SSH1: variants seen among roughly 807,000 people sequenced by gnomAD.
SSH1 encodes protein phosphatase Slingshot homolog 1.
Under a neutral mutation model 79.7 loss-of-function variants are expected in SSH1, and 43 were observed. The ratio of observed to expected loss-of-function variants is 0.54; its 90% CI spans 0.42 to 0.70. The LOEUF is 0.70. SSH1 is among the 30% of genes least tolerant of loss of function. SSH1 has a pLI of 0.00. For synonymous variants in SSH1, 599 were observed against 538.3 expected, an observed-to-expected ratio of 1.11 and a Z score of -1.56; for missense variants, 1,206 against 1,358.8, an observed-to-expected ratio of 0.89 and a Z score of 1.77.
rs375544840 is a variant in SSH1 at position 108,803,735 on chromosome 12, T to C, written c.954+1321A>G. 2.6e-5 allele frequency among the ~76,000 whole-genome samples: 4 copies of C among 152,302 alleles called. No individual in the cohort carries two copies. The South Asian group carries it at 8.3e-4, about 32-fold the overall frequency. On this transcript the variant is annotated intron_variant, in intron 10 of 14. Coordinates refer to ENST00000326495, the MANE Select transcript of SSH1 (RefSeq NM_018984.4). ...AAGAAGGAAGGTGCCTTCTGTTCCC[T>C]TCTCACCAGGGAAATCAACAGACTT...
intron 2 of SSH1, among the ~76,000 whole-genome samples, chr12:108,829,102 T>A (rs145880132): frequency 6.6e-6 from 1 of 151,796 alleles, no homozygotes; most frequent in Non-Finnish European, 1.5e-5. Context: ...CTGAGATGGG[T>A]GGATCATTTG....
At chr12:108,796,826 T>G (rs1424842457) in intron 13 of SSH1, among the ~76,000 whole-genome samples, 1 of 151,768 alleles carries the variant, frequency 6.6e-6, no homozygotes, top group Non-Finnish European at 1.5e-5. Context: ...CACTGTAACC[T>G]CCACCTCCCG....
At chr12:108,813,992 G>A (rs895497396) in intron 5 of SSH1, among the ~76,000 whole-genome samples, 3 of 152,174 alleles carry the variant, frequency 2.0e-5, no homozygotes, top group East Asian at 1.9e-4. Flanking sequence ...GGGAGGCCGA[G>A]GAGGGTGGAT....
At chr12:108,808,276 C>T (rs2037390197) in intron 7 of SSH1, among the ~76,000 whole-genome samples, 1 of 152,198 alleles carries the variant, frequency 6.6e-6, no homozygotes, top group South Asian at 2.1e-4. Context: ...CTTGGAGTCA[C>T]ACTTACACAT....
At chr12:108,793,216 A>G (rs997777441) in intron 13 of SSH1, among the ~76,000 whole-genome samples, 1 of 152,198 alleles carries the variant, frequency 6.6e-6, no homozygotes. Context: ...CCTATATTGT[A>G]GGGAAATGAA....
intron 5 of SSH1, among the ~76,000 whole-genome samples, chr12:108,814,011 G>A (rs1442271643): frequency 6.6e-6 from 1 of 152,082 alleles, no homozygotes; most frequent in African/African-American, 2.4e-5. Flanking sequence ...ATCACTTGAG[G>A]TCAGTAGTTC....
intron 2 of SSH1, chr12:108,833,700 C>G (rs2038529297): frequency 6.6e-6 from 1 of 152,270 alleles, no homozygotes; most frequent in African/African-American, 2.4e-5. Flanking sequence ...TCTACCCACT[C>G]TCTGTCTAGT....
intron 5 of SSH1, among the ~76,000 whole-genome samples, chr12:108,813,766 GGGGAA>G (rs1162576512): frequency 2.8e-5 from 4 of 141,496 alleles, no homozygotes; most frequent in Non-Finnish European, 3.1e-5. Flanking sequence ...GGGGAGGGGA[GGGGAA>G]GGGAAGGGAA....
rs1250743967 is a variant in SSH1 at position 108,807,044 on chromosome 12, A to G, written c.731+589T>C. Among the ~76,000 whole-genome samples, 3 of 152,198 alleles carry G rather than the reference A, an allele frequency of 2.0e-5. No individual in the cohort carries two copies. The highest frequency in any genetic ancestry group is 4.8e-5 in the African/African-American group (2 of 41,454). On this transcript the variant is annotated intron_variant, in intron 8 of 14. Coordinates refer to ENST00000326495, the MANE Select transcript of SSH1 (RefSeq NM_018984.4). The surrounding 1 kb of genome is among the most constrained non-coding windows in gnomAD (Gnocchi z 5.2). ...TCCTGGAGGAACACCACACTGTGGG[A>G]GCAGGGTCCTGACCCCGAGGGGAGG...
At position 108,823,295 on chromosome 12, in the gene SSH1, T is replaced by A. The variant is rs140582047; in HGVS notation, c.177A>T (p.Gln59His). 141 of 1,590,370 alleles carry A rather than the reference T, an allele frequency of 8.9e-5. No individual in the cohort carries two copies. The East Asian group carries it at 3.1e-3, about 35-fold the overall frequency. Residue 59 changes from glutamine (Q) to histidine (H), a missense_variant, in exon 3 of 15, where the codon CAA becomes CAT. Gln to His is a conservative substitution (Grantham distance 24, BLOSUM62 0). This residue lies in a region of SSH1 where 100 missense variants were observed against 82.3 expected (regional missense o/e 1.21). Coordinates refer to ENST00000326495, the MANE Select transcript of SSH1 (RefSeq NM_018984.4). The part of the protein sequence containing the change: ...ALFLQQGSSP[Q>H]GQRSLQHPHK... The stretch of plus-strand genomic sequence containing the variant: ...GGGGGTGCTGAAGACTCCGCTGGCC[T>A]TGAGGGCTGCTTCCCTGTTGTAAGA...
chr12:108,780,186 C>T lies in SSH1; in HGVS notation c.*7802G>A, dbSNP rs569800002. 1 of 152,188 alleles carries T rather than the reference C, an allele frequency of 6.6e-6. No homozygotes were observed. Among genetic ancestry groups the T allele is most frequent in the Admixed American group, 6.5e-5 (1 of 15,276 alleles). The allele number at this position is 152,188 out of a possible 1,614,324, so 9.4% of individuals were successfully genotyped here. A position where few individuals can be genotyped will look rare whatever the true frequency, so the allele number is the denominator to read the frequency against. ...AAGTGAATCCCCCTAAGTTCCAAGC[C>T]GTCCTCTGTGCTGCCTTTGGAGCCT... On this transcript the variant is annotated 3_prime_UTR_variant, in exon 15 of 15. Coordinates refer to ENST00000326495, the MANE Select transcript of SSH1 (RefSeq NM_018984.4).
At chr12:108,815,893 A>G (rs375408648) in intron 5 of SSH1, among the ~76,000 whole-genome samples, 15 of 152,272 alleles carry the variant, frequency 9.9e-5, no homozygotes, top group African/African-American at 3.6e-4. Context: ...TCTCCTTCTA[A>G]CAAGCATCAA....
intron 6 of SSH1, among the ~76,000 whole-genome samples, chr12:108,810,252 T>C (rs531341851): frequency 5.9e-5 from 9 of 152,012 alleles, no homozygotes; most frequent in African/African-American, 2.2e-4. Flanking sequence ...CCAGGGGTGG[T>C]GGCTCACGCC....
At chr12:108,843,973 G>C (rs1279912121) in intron 2 of SSH1, among the ~76,000 whole-genome samples, 1 of 151,912 alleles carries the variant, frequency 6.6e-6, no homozygotes, top group Non-Finnish European at 1.5e-5. Flanking sequence ...AAACACCAAG[G>C]AAACACTAAG....
chr12:108,803,892 C>G (rs2037143937), intron 10 of SSH1, among the ~76,000 whole-genome samples: 1 of 152,130 alleles, frequency 6.6e-6, no homozygotes, highest in African/African-American at 2.4e-5. Flanking sequence ...ATCTACTTAT[C>G]TACATAGATA....
At position 108,787,749 on chromosome 12, in the gene SSH1, G is replaced by C; in HGVS notation, c.*239C>G. The C allele has an allele frequency of 1.7e-6, 1 of 571,984 alleles. No homozygotes were observed. Among genetic ancestry groups the C allele is most frequent in the Non-Finnish European group, 3.1e-6 (1 of 322,390 alleles). The allele number at this position is 571,984 out of a possible 1,614,324, so 35.4% of individuals were successfully genotyped here. On this transcript the variant is annotated 3_prime_UTR_variant, in exon 15 of 15. Transcript: ENST00000326495. ...GAAGACACGGTGGGAGCGGAGTTTT[G>C]TGTCTCCTGGCCGGCGGCTCCTGGT...
intron 8 of SSH1, among the ~76,000 whole-genome samples, chr12:108,806,661 C>T (rs1237579318): frequency 6.6e-6 from 1 of 152,202 alleles, no homozygotes; most frequent in Non-Finnish European, 1.5e-5. Flanking sequence ...GCTCTTAGGG[C>T]AGGATGCTGG....
chr12:108,786,750 C>T lies in SSH1; in HGVS notation c.*1238G>A, dbSNP rs1447601772. On this transcript the variant is annotated 3_prime_UTR_variant, in exon 15 of 15. Transcript: ENST00000326495. ...TAGTTTGCTGACCCCTGAATTCAAC[C>T]TTTCTGCTTTTCTGCAAGCTGCCTC... is the stretch of plus-strand genomic sequence containing the variant. 1 of 152,242 alleles carries T rather than the reference C, an allele frequency of 6.6e-6. No homozygotes were observed. Among genetic ancestry groups the T allele is most frequent in the East Asian group, 1.9e-4 (1 of 5,194 alleles). 9.4% of individuals were successfully genotyped at this position (152,242 alleles called of 1,614,324 possible).
rs974884847 is a variant in SSH1 at position 108,783,604 on chromosome 12, G to A, written c.*4384C>T. On this transcript the variant is annotated 3_prime_UTR_variant, in exon 15 of 15. Coordinates refer to ENST00000326495, the MANE Select transcript of SSH1 (RefSeq NM_018984.4). ...CCCAGCACCTATGGCCAAACAAGAAGACGGCAGTCTCTCCAGAACCACCCA... is the reference window on the plus strand; with the variant it reads ...CCCAGCACCTATGGCCAAACAAGAAAACGGCAGTCTCTCCAGAACCACCCA... 1 of 152,242 alleles carries A rather than the reference G, an allele frequency of 6.6e-6. No homozygotes were observed. The highest frequency in any genetic ancestry group is 6.5e-5 in the Admixed American group (1 of 15,286). The allele number at this position is 152,242 out of a possible 1,614,324, so 9.4% of individuals were successfully genotyped here. A position where few individuals can be genotyped will look rare whatever the true frequency, so the allele number is the denominator to read the frequency against.
Sources: allele counts gnomAD v4.1 joint callset (sites outside exome capture counted in the v4.1 genomes callset), GRCh38; gene constraint gnomAD v4.1.1; regional missense constraint gnomAD v4.1.1; non-coding constraint Gnocchi (gnomAD v3.1); transcripts MANE v1.5; gene names NCBI Gene and HGNC (gene_info 2026-07-23, HGNC 2026-07-21).